PHACTR1: variants seen among roughly 807,000 people sequenced by gnomAD.
The protein encoded by PHACTR1 is phosphatase and actin regulator 1.
In PHACTR1, 16 loss-of-function variants were observed where a neutral mutation model predicts 69.2. That is an observed-to-expected ratio of 0.23 (90% confidence interval 0.16 to 0.35). The LOEUF (loss-of-function observed/expected upper bound fraction) is 0.35, where lower values mean the gene tolerates loss of function less well. Ranked by LOEUF, PHACTR1 falls within the 10% of genes least tolerant of loss-of-function variation. The pLI is 1.00. For synonymous variants in PHACTR1, 312 were observed against 284.5 expected, an observed-to-expected ratio of 1.10 and a Z score of -0.97; for missense variants, 510 against 734.7, an observed-to-expected ratio of 0.69 and a Z score of 3.54.
In PHACTR1 at chr6:13,182,508, CT is replaced by C; in HGVS notation, c.497-10del. ...TTGTCTAACTCTGCAATCTCCTTTT[CT>C]CTCTGACAGATGGGGAACTCTCTAT... is the stretch of plus-strand genomic sequence containing the variant. On this transcript the variant is annotated splice_polypyrimidine_tract_variant and intron_variant, in intron 6 of 14. Transcript: ENST00000332995. 1 of 1,613,464 alleles carries C rather than the reference CT, an allele frequency of 6.2e-7. No homozygotes were observed. Among genetic ancestry groups the C allele is most frequent in the Non-Finnish European group, 8.5e-7 (1 of 1,179,424 alleles).
At chr6:12,775,745 A>G (rs954432396) in intron 4 of PHACTR1, among the ~76,000 whole-genome samples, 6 of 152,164 alleles carry the variant, frequency 3.9e-5, no homozygotes, top group Admixed American at 1.3e-4. Flanking sequence ...AGGATCTCAC[A>G]TTCCAAGAGT....
chr6:13,066,891 C>T (rs1256408983), intron 5 of PHACTR1, among the ~76,000 whole-genome samples: 1 of 152,094 alleles, frequency 6.6e-6, no homozygotes, highest in Non-Finnish European at 1.5e-5. Flanking sequence ...ACAACATTGG[C>T]TTAGTATTAC....
At chr6:13,228,884 T>G (rs562258351) in intron 9 of PHACTR1, among the ~76,000 whole-genome samples, 62 of 152,342 alleles carry the variant, frequency 4.1e-4, no homozygotes, top group African/African-American at 1.5e-3. Context: ...GTTCTAAAAC[T>G]AGTGGAGGAA....
intron 3 of PHACTR1, among the ~76,000 whole-genome samples, chr6:12,745,884 G>C (rs375758163): frequency 9.2e-5 from 14 of 152,216 alleles, no homozygotes; most frequent in African/African-American, 3.1e-4. Context: ...CACTTGGGTG[G>C]GGTAGTAGTA....
At chr6:13,203,987 C>A (rs751296693) in intron 7 of PHACTR1, among the ~76,000 whole-genome samples, 1 of 152,094 alleles carries the variant, frequency 6.6e-6, no homozygotes, top group Non-Finnish European at 1.5e-5. Context: ...AGCATGGAGA[C>A]CCTGAATCCA....
At chr6:13,070,094 A>G (rs1484182277) in intron 5 of PHACTR1, among the ~76,000 whole-genome samples, 5 of 152,130 alleles carry the variant, frequency 3.3e-5, no homozygotes, top group Non-Finnish European at 7.4e-5. Context: ...CTTCCCCTCC[A>G]ATAGCACCCT....
chr6:13,024,681 A>T (rs1269253652), intron 4 of PHACTR1, among the ~76,000 whole-genome samples: 4 of 152,204 alleles, frequency 2.6e-5, no homozygotes, highest in Non-Finnish European at 5.9e-5. Flanking sequence ...ACTAGTCATG[A>T]TATGAATTAT....
At chr6:12,940,031 C>CTGTA (rs1235782036) in intron 4 of PHACTR1, among the ~76,000 whole-genome samples, 1 of 152,124 alleles carries the variant, frequency 6.6e-6, no homozygotes, top group Non-Finnish European at 1.5e-5. Context: ...GGGAGAGAAG[C>CTGTA]TGTAATAAGA....
intron 4 of PHACTR1, among the ~76,000 whole-genome samples, chr6:12,827,039 C>T (rs1253733047): frequency 2.6e-5 from 4 of 152,196 alleles, no homozygotes; most frequent in South Asian, 2.1e-4. Flanking sequence ...TTCCCTCACT[C>T]GTTATCGTCC....
chr6:13,022,769 C>T (rs1801151244), intron 4 of PHACTR1, among the ~76,000 whole-genome samples: 1 of 152,076 alleles, frequency 6.6e-6, no homozygotes, highest in African/African-American at 2.4e-5. Context: ...TGTAATCCAG[C>T]ACCTTGGGAG....
In PHACTR1 at chr6:13,179,745, T is replaced by TAGAC. The variant is rs1295206738; in HGVS notation, c.497-2770_497-2767dup. ...ATAGATAGATAGATAGATAGATAGA[T>TAGAC]AGACAGAACAAGGTTATCAATATTA... On this transcript the variant is annotated intron_variant, in intron 6 of 14. Transcript: ENST00000332995. The surrounding 1 kb of genome is among the most constrained non-coding windows in gnomAD (Gnocchi z 4.2). Among the ~76,000 whole-genome samples, 814 of 119,430 alleles carry TAGAC rather than the reference T, an allele frequency of 6.8e-3. 7 individuals carry two copies. Among genetic ancestry groups the TAGAC allele is most frequent in the African/African-American group, 0.027 (787 of 29,390 alleles). 78.4% of individuals were successfully genotyped at this position (119,430 alleles called of 152,430 possible).
At position 12,752,176 on chromosome 6, in the gene PHACTR1, C is replaced by G. The variant is rs148335408; in HGVS notation, c.250+2386C>G. 6.7e-3 allele frequency among the ~76,000 whole-genome samples: 1,016 copies of G among 152,286 alleles called. 12 individuals are homozygous for G. The highest frequency in any genetic ancestry group is 0.011 in the Non-Finnish European group (773 of 68,028). ...AGCTGGTTTCTGGTTGCTTCCCTAA[C>G]GAAGTAAGATCCACTCACAGATGTG... On this transcript the variant is annotated intron_variant, in intron 4 of 14. Transcript: ENST00000332995.
chr6:13,055,620 C>T (rs1159938724), intron 5 of PHACTR1, among the ~76,000 whole-genome samples: 1 of 152,218 alleles, frequency 6.6e-6, no homozygotes, highest in Non-Finnish European at 1.5e-5. Flanking sequence ...TCATTTGTCA[C>T]CATGAATCTC....
chr6:12,911,898 AT>A (rs1156616792), intron 4 of PHACTR1, among the ~76,000 whole-genome samples: 8 of 152,226 alleles, frequency 5.3e-5, no homozygotes, highest in African/African-American at 1.2e-4. Flanking sequence ...CTGAAAACAA[AT>A]CAATCAAAGA....
intron 6 of PHACTR1, among the ~76,000 whole-genome samples, chr6:13,180,772 G>A (rs1762075484): frequency 1.3e-5 from 2 of 152,058 alleles, no homozygotes; most frequent in Non-Finnish European, 2.9e-5. Flanking sequence ...CTAAATAAAG[G>A]CACGTTAAGA....
At chr6:12,859,982 A>ACATCTT (rs1373632988) in intron 4 of PHACTR1, among the ~76,000 whole-genome samples, 8 of 108,566 alleles carry the variant, frequency 7.4e-5, no homozygotes, top group Non-Finnish European at 8.2e-5. Context: ...CTTAAGAAGG[A>ACATCTT]CATCTTCATC....
At chr6:12,897,030 C>G (rs776162594) in intron 4 of PHACTR1, among the ~76,000 whole-genome samples, 6 of 152,166 alleles carry the variant, frequency 3.9e-5, no homozygotes, top group Non-Finnish European at 8.8e-5. Context: ...TCACTTGGAT[C>G]CAGGGCAGAC....
chr6:13,262,022 A>T (rs529460530), intron 10 of PHACTR1, among the ~76,000 whole-genome samples: 104 of 152,344 alleles, frequency 6.8e-4, no homozygotes, highest in African/African-American at 2.4e-3. Context: ...CTGTAAAGGC[A>T]TACTTACTTT....
chr6:13,077,936 A>G (rs930353481), intron 5 of PHACTR1, among the ~76,000 whole-genome samples: 1 of 152,162 alleles, frequency 6.6e-6, no homozygotes, highest in Non-Finnish European at 1.5e-5. Flanking sequence ...TTTAACAGCC[A>G]TGGATAAGAG....
Sources: allele counts gnomAD v4.1 joint callset (sites outside exome capture counted in the v4.1 genomes callset), GRCh38; gene constraint gnomAD v4.1.1; non-coding constraint Gnocchi (gnomAD v3.1); transcripts MANE v1.5; gene names NCBI Gene and HGNC (gene_info 2026-07-23, HGNC 2026-07-21).